Variants in GALNTL6 observed in about 807,000 individuals in gnomAD.
GALNTL6 encodes polypeptide N-acetylgalactosaminyltransferase-like 6.
In GALNTL6, 46 loss-of-function variants were observed where a neutral mutation model predicts 73.7. The observed-to-expected ratio is 0.62, with a 90% CI of 0.49 to 0.80. The LOEUF (loss-of-function observed/expected upper bound fraction) is 0.80, where lower values mean the gene tolerates loss of function less well. Ranked by LOEUF, GALNTL6 falls within the 30% of genes least tolerant of loss-of-function variation. The pLI is 0.00. For missense variants in GALNTL6, 604 were observed against 755.0 expected (o/e 0.80, Z 2.34); for synonymous variants, 259 against 263.7 (o/e 0.98, Z 0.17).
chr4:172,313,283 G>GC (rs1740429801), intron 4 of GALNTL6, among the ~76,000 whole-genome samples: 1 of 151,710 alleles, frequency 6.6e-6, no homozygotes, highest in Non-Finnish European at 1.5e-5. Flanking sequence ...CTGCCACCAT[G>GC]CCGGCTAATT....
At chr4:171,904,691 A>T (rs183423518) in intron 2 of GALNTL6, among the ~76,000 whole-genome samples, 25 of 152,256 alleles carry the variant, frequency 1.6e-4, no homozygotes, top group African/African-American at 5.5e-4. Context: ...ACACATAATT[A>T]TCAGATTCAC....
At chr4:172,934,914 A>C (rs1445745753) in intron 9 of GALNTL6, among the ~76,000 whole-genome samples, 1 of 152,208 alleles carries the variant, frequency 6.6e-6, no homozygotes, top group Non-Finnish European at 1.5e-5. Context: ...TGAGCCAAGC[A>C]CTGTGCTGAA....
At chr4:172,639,709 GA>G (rs1278547677) in intron 5 of GALNTL6, among the ~76,000 whole-genome samples, 1 of 151,850 alleles carries the variant, frequency 6.6e-6, no homozygotes, top group Non-Finnish European at 1.5e-5. Flanking sequence ...TATTTTCTGA[GA>G]AAAATATGAA....
chr4:172,617,230 G>C (rs1430929182), intron 5 of GALNTL6, among the ~76,000 whole-genome samples: 1 of 151,620 alleles, frequency 6.6e-6, no homozygotes, highest in African/African-American at 2.4e-5. Flanking sequence ...AGAAAAATAT[G>C]GTGCATATTT....
intron 2 of GALNTL6, among the ~76,000 whole-genome samples, chr4:171,947,358 A>C (rs1457351781): frequency 6.6e-6 from 1 of 152,140 alleles, no homozygotes; most frequent in Non-Finnish European, 1.5e-5. Context: ...TATAGGTTGT[A>C]AGGGAAGAAA....
chr4:172,220,548 G>C (rs1736640147), intron 2 of GALNTL6, among the ~76,000 whole-genome samples: 1 of 151,684 alleles, frequency 6.6e-6, no homozygotes, highest in Admixed American at 6.6e-5. Flanking sequence ...TTACATGTTA[G>C]GTTGTGATAC....
At position 172,541,059 on chromosome 4, in the gene GALNTL6, G is replaced by C. The variant is rs184941164; in HGVS notation, c.553+192370G>C. 1.9e-4 allele frequency among the ~76,000 whole-genome samples: 29 copies of C among 152,260 alleles called. No individual in the cohort carries two copies. The East Asian group carries it at 3.7e-3, about 19-fold the overall frequency. ...GTCATTTCAAAATCTGTCAAAGAAAGATATTTTGGCCTAAAATATTTTGAT... is the reference window on the plus strand; with the variant it reads ...GTCATTTCAAAATCTGTCAAAGAAACATATTTTGGCCTAAAATATTTTGAT... On this transcript the variant is annotated intron_variant, in intron 5 of 12. Transcript: ENST00000506823.
At chr4:172,556,176 G>A (rs1189942032) in intron 5 of GALNTL6, among the ~76,000 whole-genome samples, 4 of 151,772 alleles carry the variant, frequency 2.6e-5, no homozygotes, top group Non-Finnish European at 5.9e-5. Context: ...AGTGAAATAG[G>A]GTACTTAGCG....
Position 172,895,403 on chromosome 4 carries a change from T to TA in GALNTL6, c.1041+12496_1041+12497insA, listed in dbSNP as rs201716977. ...TTTTTGTTATATATATATATATATATTTTTTTTTTGCTTTCAGCACTCTGA... is the reference window on the plus strand; with the variant it reads ...TTTTTGTTATATATATATATATATATATTTTTTTTTGCTTTCAGCACTCTGA... On this transcript the variant is annotated intron_variant, in intron 8 of 12. Coordinates refer to ENST00000506823, the MANE Select transcript of GALNTL6 (RefSeq NM_001034845.3). Among the ~76,000 whole-genome samples the TA allele has an allele frequency of 7.9e-3, 1,067 of 135,530 alleles. 6 individuals carry two copies. The highest frequency in any genetic ancestry group is 0.013 in the East Asian group (67 of 5,028). 88.9% of individuals were successfully genotyped at this position (135,530 alleles called of 152,430 possible).
intron 2 of GALNTL6, among the ~76,000 whole-genome samples, chr4:172,199,363 C>A (rs1379572623): frequency 6.6e-6 from 1 of 152,156 alleles, no homozygotes; most frequent in African/African-American, 2.4e-5. Context: ...TATTATTCCT[C>A]GTGCTTAGAT....
At chr4:172,404,125 T>A (rs1417802680) in intron 5 of GALNTL6, among the ~76,000 whole-genome samples, 1 of 151,930 alleles carries the variant, frequency 6.6e-6, no homozygotes, top group African/African-American at 2.4e-5. Context: ...TACCCTTAGT[T>A]TAACACAGAG....
At chr4:172,950,836 T>C (rs368363732) in intron 9 of GALNTL6, among the ~76,000 whole-genome samples, 1 of 152,210 alleles carries the variant, frequency 6.6e-6, no homozygotes, top group East Asian at 1.9e-4. Context: ...AGTGGGTCAA[T>C]GCTCGCACCA....
At chr4:172,631,475 A>G (rs1739394920) in intron 5 of GALNTL6, among the ~76,000 whole-genome samples, 2 of 152,170 alleles carry the variant, frequency 1.3e-5, no homozygotes, top group Non-Finnish European at 2.9e-5. Flanking sequence ...AGTTCTACTA[A>G]AAAACAAAAT....
At chr4:172,137,061 T>C (rs552770196) in intron 2 of GALNTL6, among the ~76,000 whole-genome samples, 6 of 152,284 alleles carry the variant, frequency 3.9e-5, no homozygotes, top group South Asian at 2.1e-4. Flanking sequence ...GAAGTCTTTA[T>C]ATGATCCATT....
At chr4:172,898,041 AAATT>A (rs33915651) in intron 8 of GALNTL6, among the ~76,000 whole-genome samples, 39,734 of 151,876 alleles carry the variant, frequency 0.26, 7,158 homozygotes, top group African/African-American at 0.51. Flanking sequence ...GAATTAAGAC[AAATT>A]AATTAAAATG....
intron 7 of GALNTL6, among the ~76,000 whole-genome samples, chr4:172,838,070 G>A (rs1743007604): frequency 2.0e-5 from 3 of 151,994 alleles, no homozygotes; most frequent in African/African-American, 7.3e-5. Context: ...ATATTTGTCA[G>A]TGTTTGCTCG....
At chr4:172,297,276 T>C (rs1487644651) in intron 3 of GALNTL6, among the ~76,000 whole-genome samples, 1 of 152,316 alleles carries the variant, frequency 6.6e-6, no homozygotes, top group African/African-American at 2.4e-5. Context: ...GATGAGTAGA[T>C]TGCAAAAATT....
chr4:172,362,289 C>A (rs1742397369), intron 5 of GALNTL6, among the ~76,000 whole-genome samples: 1 of 151,920 alleles, frequency 6.6e-6, no homozygotes, highest in Non-Finnish European at 1.5e-5. Flanking sequence ...ATTACAGAAC[C>A]CAATGAACTC....
At chr4:172,416,631 A>G (rs1246262261) in intron 5 of GALNTL6, among the ~76,000 whole-genome samples, 1 of 152,196 alleles carries the variant, frequency 6.6e-6, no homozygotes, top group Admixed American at 6.5e-5. Context: ...ATATAAATAA[A>G]GAGGATTTTA....
Sources: allele counts gnomAD v4.1 joint callset (sites outside exome capture counted in the v4.1 genomes callset), GRCh38; gene constraint gnomAD v4.1.1; transcripts MANE v1.5; gene names NCBI Gene and HGNC (gene_info 2026-07-23, HGNC 2026-07-21).